Variants in CENPP observed in about 807,000 individuals in gnomAD.
CENPP encodes the protein centromere protein P.
Under a neutral mutation model 35.6 loss-of-function variants are expected in CENPP, and 24 were observed. The ratio of observed to expected loss-of-function variants is 0.67; its 90% CI spans 0.49 to 0.95. The LOEUF is 0.95. CENPP is among the 40% of genes least tolerant of loss of function. The probability of loss-of-function intolerance (pLI) is 0.00; values close to 1 mark genes in which losing one functional copy is unlikely to be tolerated. For synonymous variants in CENPP, 120 were observed against 125.5 expected, an observed-to-expected ratio of 0.96 and a Z score of 0.29; for missense variants, 332 against 345.3, an observed-to-expected ratio of 0.96 and a Z score of 0.31.
chr9:92,619,287 A>G lies in CENPP; in HGVS notation c.*6138A>G. ...AATCCTTTTAAGTTATTCTCCATAA[A>G]TCTGTCTTTTGACTGAATTACAAGC... On this transcript the variant is annotated 3_prime_UTR_variant, in exon 8 of 8. Transcript: ENST00000375587. 2 of 566,178 alleles carry G rather than the reference A, an allele frequency of 3.5e-6. No homozygotes were observed. Among genetic ancestry groups the G allele is most frequent in the Non-Finnish European group, 6.3e-6 (2 of 315,104 alleles). The allele number at this position is 566,178 out of a possible 1,614,324, so 35.1% of individuals were successfully genotyped here. A position where few individuals can be genotyped will look rare whatever the true frequency, so the allele number is the denominator to read the frequency against.
chr9:92,414,929 C>T (rs1387741788), intron 5 of CENPP: 3 of 339,636 alleles, frequency 8.8e-6, no homozygotes, highest in African/African-American at 4.2e-5. Context: ...TTTATGATTC[C>T]CACTTGTCAT....
At chr9:92,342,792 A>G (rs1013880883) in intron 3 of CENPP, among the ~76,000 whole-genome samples, 4 of 152,240 alleles carry the variant, frequency 2.6e-5, no homozygotes, top group Admixed American at 1.3e-4. Flanking sequence ...AATGTTTATT[A>G]CTTAATGGTA....
chr9:92,389,751 A>G (rs868726468), intron 5 of CENPP: 5 of 713,158 alleles, frequency 7.0e-6, no homozygotes, highest in Non-Finnish European at 1.1e-5. Context: ...TTAAATCAAA[A>G]TAGTTTTTAA....
At chr9:92,327,091 A>G (rs1377247568) in intron 1 of CENPP, among the ~76,000 whole-genome samples, 1 of 152,254 alleles carries the variant, frequency 6.6e-6, no homozygotes, top group Non-Finnish European at 1.5e-5. Flanking sequence ...CTTTAGCATT[A>G]CCTGGCGGTT....
chr9:92,523,726 C>T (rs1848216425), intron 5 of CENPP, among the ~76,000 whole-genome samples: 3 of 152,292 alleles, frequency 2.0e-5, no homozygotes, highest in East Asian at 3.9e-4. Flanking sequence ...CTAGTAGGAG[C>T]GGGCTTAACT....
At chr9:92,437,448 TG>T (rs1216487635) in intron 5 of CENPP, among the ~76,000 whole-genome samples, 3 of 151,466 alleles carry the variant, frequency 2.0e-5, no homozygotes, top group African/African-American at 7.3e-5. Context: ...CTCGCTATGT[TG>T]CCCAGGCTGG....
intron 5 of CENPP, among the ~76,000 whole-genome samples, chr9:92,422,097 C>T (rs1253024368): frequency 6.6e-6 from 1 of 151,834 alleles, no homozygotes; most frequent in Non-Finnish European, 1.5e-5. Flanking sequence ...GTCACCCAGG[C>T]TGGAGTGCAG....
intron 5 of CENPP, chr9:92,457,187 T>G: frequency 6.9e-7 from 1 of 1,457,114 alleles, no homozygotes; most frequent in Non-Finnish European, 9.1e-7. Flanking sequence ...AATAGATATT[T>G]GCTTGTATAT....
intron 5 of CENPP, among the ~76,000 whole-genome samples, chr9:92,465,222 G>A (rs972059726): frequency 2.4e-4 from 37 of 152,134 alleles, no homozygotes; most frequent in African/African-American, 8.9e-4. Context: ...ATACGGCTTT[G>A]TATTATGTAA....
At chr9:92,399,779 G>A (rs1374107399) in intron 5 of CENPP, among the ~76,000 whole-genome samples, 1 of 152,112 alleles carries the variant, frequency 6.6e-6, no homozygotes, top group African/African-American at 2.4e-5. Context: ...AGTGATTTAG[G>A]TTGGTACCTT....
chr9:92,570,348 G>A (rs1382909543), intron 5 of CENPP, among the ~76,000 whole-genome samples: 1 of 152,138 alleles, frequency 6.6e-6, no homozygotes, highest in Non-Finnish European at 1.5e-5. Flanking sequence ...TGTGGTTTTT[G>A]TCTTTAGTTC....
chr9:92,352,009 T>A (rs1402609303), intron 4 of CENPP, among the ~76,000 whole-genome samples: 1 of 151,450 alleles, frequency 6.6e-6, no homozygotes, highest in African/African-American at 2.4e-5. Context: ...GAATTTCTTT[T>A]TCTTTTTCTT....
chr9:92,374,752 T>C (rs1842087713), intron 4 of CENPP, among the ~76,000 whole-genome samples: 1 of 152,222 alleles, frequency 6.6e-6, no homozygotes, highest in South Asian at 2.1e-4. Context: ...AAAAATACAG[T>C]GATACTTTCT....
chr9:92,421,369 T>A (rs1378502151), intron 5 of CENPP, among the ~76,000 whole-genome samples: 1 of 152,182 alleles, frequency 6.6e-6, no homozygotes, highest in East Asian at 1.9e-4. Flanking sequence ...ACCTGAGGAA[T>A]TTGCACTCTG....
chr9:92,334,844 C>G (rs923800927), intron 2 of CENPP, among the ~76,000 whole-genome samples: 1 of 150,814 alleles, frequency 6.6e-6, no homozygotes, highest in African/African-American at 2.4e-5. Context: ...TGCACCACTG[C>G]GCTTCAGCCT....
At chr9:92,542,001 C>T (rs1849329851) in intron 5 of CENPP, among the ~76,000 whole-genome samples, 1 of 152,162 alleles carries the variant, frequency 6.6e-6, no homozygotes, top group Non-Finnish European at 1.5e-5. Flanking sequence ...ATTATCTTGG[C>T]CAGGCTGGTC....
intron 5 of CENPP, among the ~76,000 whole-genome samples, chr9:92,552,690 T>C (rs1849641495): frequency 6.6e-6 from 1 of 152,172 alleles, no homozygotes; most frequent in African/African-American, 2.4e-5. Context: ...TTTGATAGGA[T>C]TGTTTTTTTC....
chr9:92,358,953 T>TC lies in CENPP; in HGVS notation c.467+13166_467+13167insC, dbSNP rs71362380. On this transcript the variant is annotated intron_variant, in intron 4 of 7. Coordinates refer to ENST00000375587, the MANE Select transcript of CENPP (RefSeq NM_001012267.3). Reference sequence around the variant, plus strand: ...GTATCTCTTTTTTTTTCTTTCTTTCTTTTTTTTTTTTTTGAGATGGAGTTT... The same window carrying TC: ...GTATCTCTTTTTTTTTCTTTCTTTCTCTTTTTTTTTTTTTGAGATGGAGTTT... Among the ~76,000 whole-genome samples the TC allele has an allele frequency of 6.5e-4, 29 of 44,682 alleles. No individual in the cohort carries two copies. In the African/African-American group the frequency reaches 8.0e-3, roughly 12 times the overall value. The allele number at this position is 44,682 out of a possible 152,430, so 29.3% of individuals were successfully genotyped here.
In CENPP at chr9:92,619,793, T is replaced by C. The variant is rs574963542; in HGVS notation, c.*6644T>C. On this transcript the variant is annotated 3_prime_UTR_variant, in exon 8 of 8. Coordinates refer to ENST00000375587, the MANE Select transcript of CENPP (RefSeq NM_001012267.3). ...CTGCTCAGAGGCCAGCACCGCCCCC[T>C]GACCTCTCACGGCAAGCAGTGTGGG... 13 of 554,340 alleles carry C rather than the reference T, an allele frequency of 2.3e-5. No individual in the cohort carries two copies. The highest frequency in any genetic ancestry group is 2.3e-4 in the African/African-American group (12 of 53,196). The allele number at this position is 554,340 out of a possible 1,614,324, so 34.3% of individuals were successfully genotyped here. A position where few individuals can be genotyped will look rare whatever the true frequency, so the allele number is the denominator to read the frequency against.
Sources: allele counts gnomAD v4.1 joint callset (sites outside exome capture counted in the v4.1 genomes callset), GRCh38; gene constraint gnomAD v4.1.1; transcripts MANE v1.5; gene names NCBI Gene and HGNC (gene_info 2026-07-23, HGNC 2026-07-21).